SNTG1: variants seen among roughly 807,000 people sequenced by gnomAD.
SNTG1 encodes syntrophin gamma 1, also known as gamma-1-syntrophin.
A neutral mutation model predicts 74.7 loss-of-function variants in SNTG1; 39 were observed. That is an observed-to-expected ratio of 0.52 (90% CI 0.40 to 0.68). SNTG1 has a LOEUF of 0.68. Ranked by LOEUF, SNTG1 falls within the 30% of genes least tolerant of loss-of-function variation. SNTG1 has a pLI of 0.00. For synonymous variants in SNTG1, 254 were observed against 217.1 expected (o/e 1.17, Z -1.49); for missense variants, 685 against 609.5 (o/e 1.12, Z -1.30).
chr8:50,739,127 A>G (rs1255549678), intron 17 of SNTG1, among the ~76,000 whole-genome samples: 2 of 151,988 alleles, frequency 1.3e-5, no homozygotes, highest in Admixed American at 6.6e-5. Context: ...TGAACAGGCC[A>G]TCTACACAAT....
At chr8:50,708,751 C>A in intron 16 of SNTG1, 135 bp from the exon 17 acceptor site, 3 of 591,294 alleles carry the variant, frequency 5.1e-6, no homozygotes, top group Non-Finnish European at 8.9e-6. Flanking sequence ...GATAATACTC[C>A]CTTCTTTATA....
intron 1 of SNTG1, among the ~76,000 whole-genome samples, chr8:50,086,166 A>G (rs1009434413): frequency 2.0e-5 from 3 of 152,236 alleles, no homozygotes; most frequent in Admixed American, 6.5e-5. Flanking sequence ...CAATTGGGCC[A>G]CATAGGGGAC....
At chr8:50,764,456 G>C (rs1041682565) in intron 18 of SNTG1, among the ~76,000 whole-genome samples, 4 of 151,792 alleles carry the variant, frequency 2.6e-5, no homozygotes, top group Admixed American at 2.6e-4. Flanking sequence ...TTGGGCAAAG[G>C]ACTCATTTTG....
chr8:50,108,211 A>G (rs1337915673), intron 1 of SNTG1, among the ~76,000 whole-genome samples: 1 of 152,206 alleles, frequency 6.6e-6, no homozygotes, highest in African/African-American at 2.4e-5. Context: ...GAAGAAAGAT[A>G]GAGCAATTAT....
At chr8:50,306,047 C>G (rs1285631444) in intron 2 of SNTG1, among the ~76,000 whole-genome samples, 3 of 145,184 alleles carry the variant, frequency 2.1e-5, no homozygotes, top group Non-Finnish European at 4.5e-5. Flanking sequence ...CTACCCCCCT[C>G]CCACCCTCCC....
intron 18 of SNTG1, among the ~76,000 whole-genome samples, chr8:50,792,086 T>C (rs556260639): frequency 2.0e-5 from 3 of 151,700 alleles, no homozygotes; most frequent in Non-Finnish European, 3.0e-5. Context: ...GTTTATTTTT[T>C]TTTTTTTTAG....
chr8:50,074,445 T>C (rs946318603), intron 1 of SNTG1, among the ~76,000 whole-genome samples: 1 of 152,212 alleles, frequency 6.6e-6, no homozygotes, highest in Non-Finnish European at 1.5e-5. Flanking sequence ...CTAACTTACC[T>C]AATTTCAATA....
chr8:49,962,509 C>T (rs767585198), intron 1 of SNTG1, among the ~76,000 whole-genome samples: 1 of 151,982 alleles, frequency 6.6e-6, no homozygotes, highest in Non-Finnish European at 1.5e-5. Flanking sequence ...TGTTCCAACT[C>T]TGTGCTGCCA....
At chr8:50,135,863 T>C (rs1042473036) in intron 1 of SNTG1, among the ~76,000 whole-genome samples, 4 of 152,156 alleles carry the variant, frequency 2.6e-5, no homozygotes, top group African/African-American at 9.7e-5. Context: ...GTAACGAACA[T>C]AGTAGCTGAT....
chr8:50,023,332 A>G (rs964593353), intron 1 of SNTG1, among the ~76,000 whole-genome samples: 4 of 152,098 alleles, frequency 2.6e-5, no homozygotes, highest in African/African-American at 7.2e-5. Flanking sequence ...GTTTGGGGAG[A>G]CTCATAGCTA....
chr8:50,036,816 T>C (rs934067436), intron 1 of SNTG1, among the ~76,000 whole-genome samples: 6 of 152,240 alleles, frequency 3.9e-5, no homozygotes, highest in African/African-American at 1.4e-4. Context: ...TAAGAAATAT[T>C]ATACCATCTT....
intron 13 of SNTG1, among the ~76,000 whole-genome samples, chr8:50,607,918 T>C (rs1156954710): frequency 6.6e-6 from 1 of 151,740 alleles, no homozygotes; most frequent in Non-Finnish European, 1.5e-5. Context: ...TATAAACTCA[T>C]TCATGGTAGT....
chr8:50,296,886 T>C (rs1177859544), intron 2 of SNTG1, among the ~76,000 whole-genome samples: 2 of 152,184 alleles, frequency 1.3e-5, no homozygotes, highest in East Asian at 1.9e-4. Context: ...ATCCTGCTTA[T>C]TAAGTAGTAA....
intron 1 of SNTG1, among the ~76,000 whole-genome samples, chr8:50,168,029 G>A (rs909992267): frequency 2.0e-5 from 3 of 151,926 alleles, no homozygotes; most frequent in Admixed American, 6.6e-5. Context: ...TTGATGTTAT[G>A]TGGCTACTTC....
At chr8:50,704,485 TCG>T (rs2095436672) in intron 15 of SNTG1, 113 bp from the exon 16 acceptor site, 1 of 1,282,850 alleles carries the variant, frequency 7.8e-7, no homozygotes, top group East Asian at 2.3e-5. Context: ...CTTGGTGAAT[TCG>T]CAGAGTGTTG....
intron 16 of SNTG1, 66 bp downstream of exon 16, chr8:50,704,818 T>A (rs2095438211): frequency 6.5e-7 from 1 of 1,549,538 alleles, no homozygotes; most frequent in East Asian, 2.3e-5. Context: ...CCTAGAGTTC[T>A]AATATCATTC....
intron 1 of SNTG1, among the ~76,000 whole-genome samples, chr8:50,167,287 A>G (rs1182193175): frequency 6.7e-6 from 1 of 149,644 alleles, no homozygotes; most frequent in Admixed American, 6.6e-5. Flanking sequence ...ATAATAAAAA[A>G]AGAAAAAAAA....
intron 2 of SNTG1, among the ~76,000 whole-genome samples, chr8:50,207,277 T>C (rs979221081): frequency 2.6e-5 from 4 of 152,226 alleles, no homozygotes; most frequent in Non-Finnish European, 5.9e-5. Context: ...ATTCAACTTC[T>C]TCCTGGTTTA....
intron 1 of SNTG1, among the ~76,000 whole-genome samples, chr8:50,145,565 C>T (rs2081830534): frequency 6.6e-6 from 1 of 152,088 alleles, no homozygotes; most frequent in Non-Finnish European, 1.5e-5. Flanking sequence ...AGGGATGAAG[C>T]CTGACTGCAT....
Sources: allele counts gnomAD v4.1 joint callset (sites outside exome capture counted in the v4.1 genomes callset), GRCh38; gene constraint gnomAD v4.1.1; transcripts MANE v1.5; gene names NCBI Gene and HGNC (gene_info 2026-07-23, HGNC 2026-07-21).